SMIM24: variants seen among roughly 807,000 people sequenced by gnomAD.
SMIM24 encodes MAP17-related dimer.
In SMIM24, 6 loss-of-function variants were observed where a neutral mutation model predicts 10.8. The observed-to-expected ratio is 0.55, with a 90% CI of 0.30 to 1.09. SMIM24 has a LOEUF of 1.09. SMIM24 is among the 50% of genes least tolerant of loss of function. SMIM24 has a pLI of 0.06. For synonymous variants in SMIM24, 71 were observed against 62.4 expected, an observed-to-expected ratio of 1.14 and a Z score of -0.65; for missense variants, 151 against 153.4, an observed-to-expected ratio of 0.98 and a Z score of 0.08.
At position 3,474,100 on chromosome 19, in the gene SMIM24, T is replaced by G. The variant is rs577776911; in HGVS notation, c.*743A>C. 6.6e-6 allele frequency: 1 copy of G among 152,298 alleles called. No individual in the cohort carries two copies. Among genetic ancestry groups the G allele is most frequent in the African/African-American group, 2.4e-5 (1 of 41,514 alleles). The allele number at this position is 152,298 out of a possible 1,614,324, so 9.4% of individuals were successfully genotyped here. A position where few individuals can be genotyped will look rare whatever the true frequency, so the allele number is the denominator to read the frequency against. ...GAAGTGCTAGTCCCTTTCCAAGATATTGCAGGGCCCTGGGGCACCCCCACC... is the reference window on the plus strand; with the variant it reads ...GAAGTGCTAGTCCCTTTCCAAGATAGTGCAGGGCCCTGGGGCACCCCCACC... On this transcript the variant is annotated 3_prime_UTR_variant, in exon 4 of 4. Transcript: ENST00000215531.
chr19:3,477,090 T>TGATG (rs371713691), intron 3 of SMIM24, among the ~76,000 whole-genome samples: 1,096 of 95,942 alleles, frequency 0.011, 22 homozygotes, highest in East Asian at 0.028. Context: ...AATAGATGGG[T>TGATG]GATGGATGGA....
intron 1 of SMIM24, among the ~76,000 whole-genome samples, chr19:3,479,373 T>A (rs35660775): frequency 7.9e-6 from 1 of 125,846 alleles, no homozygotes; most frequent in East Asian, 2.3e-4. Context: ...AAGGAGGAGG[T>A]GGCTCAGATG....
At chr19:3,480,134 G>A (rs976132887) in intron 1 of SMIM24, among the ~76,000 whole-genome samples, 1 of 151,684 alleles carries the variant, frequency 6.6e-6, no homozygotes, top group African/African-American at 2.4e-5. Context: ...CCGAGCTCAA[G>A]GCGGGGGGTT....
In SMIM24 at chr19:3,480,513, C is replaced by CCCGGGACCCA. The variant is rs760828944; in HGVS notation, c.-51_-50insTGGGTCCCGG. On this transcript the variant is annotated 5_prime_UTR_variant, in exon 1 of 4. Transcript: ENST00000215531. Reference sequence around the variant, plus strand: ...GCCAGCGGCGGTCCCGGGTCGGCGTCCACAGGTTTGGTGTGGGCGAGGCCC... The same window carrying CCCGGGACCCA: ...GCCAGCGGCGGTCCCGGGTCGGCGTCCCGGGACCCACACAGGTTTGGTGTGGGCGAGGCCC... The CCCGGGACCCA allele has an allele frequency of 2.6e-6, 4 of 1,537,308 alleles. No individual in the cohort carries two copies. The South Asian group carries it at 4.8e-5, about 18-fold the overall frequency.
At position 3,480,480 on chromosome 19, in the gene SMIM24, A is replaced by T; in HGVS notation, c.-17T>A. The T allele has an allele frequency of 6.5e-7, 1 of 1,546,814 alleles. No homozygotes were observed. The highest frequency in any genetic ancestry group is 8.7e-7 in the Non-Finnish European group (1 of 1,145,198). On this transcript the variant is annotated 5_prime_UTR_variant, in exon 1 of 4. Coordinates refer to ENST00000215531, the MANE Select transcript of SMIM24 (RefSeq NM_001136503.2). ...GGTCTCCATGACGGTCGAGTGAGCC[A>T]GCAGCCAGCCAGCGGCGGTCCCGGG...
At chr19:3,478,633 G>T in intron 2 of SMIM24, 155 bp from the exon 3 acceptor site, 1 of 899,212 alleles carries the variant, frequency 1.1e-6, no homozygotes, top group Non-Finnish European at 1.7e-6. Context: ...TGCCTGGCTC[G>T]TTGTCTTGGG....
intron 3 of SMIM24, among the ~76,000 whole-genome samples, 160 bp downstream of exon 3, chr19:3,478,259 T>C (rs1005002034): frequency 6.6e-6 from 1 of 152,090 alleles, no homozygotes. Context: ...GACTAGGGAC[T>C]GGAGGAGGAG....
At chr19:3,475,932 G>T (rs891289195) in intron 3 of SMIM24, among the ~76,000 whole-genome samples, 1 of 151,806 alleles carries the variant, frequency 6.6e-6, no homozygotes, top group Non-Finnish European at 1.5e-5. Flanking sequence ...GAGTAGATAA[G>T]TAGTTACATG....
Position 3,474,428 on chromosome 19 carries a change from T to C in SMIM24, c.*415A>G. ...CTTCCAAAGGGCTGTTACGAATGCTTTAATGCAGGCCATTGGGAAGCAGCT... is the reference window on the plus strand; with the variant it reads ...CTTCCAAAGGGCTGTTACGAATGCTCTAATGCAGGCCATTGGGAAGCAGCT... On this transcript the variant is annotated 3_prime_UTR_variant, in exon 4 of 4. Transcript: ENST00000215531. 5.7e-6 allele frequency: 1 copy of C among 174,566 alleles called. No homozygotes were observed. Among genetic ancestry groups the C allele is most frequent in the Middle Eastern group, 2.7e-3 (1 of 366 alleles). 10.8% of individuals were successfully genotyped at this position (174,566 alleles called of 1,614,324 possible).
chr19:3,478,306 C>A, intron 3 of SMIM24, 113 bp downstream of exon 3: 1 of 1,010,394 alleles, frequency 9.9e-7, no homozygotes, highest in Non-Finnish European at 1.4e-6. Flanking sequence ...GGTGAAGATC[C>A]CAGGGCAGGA....
intron 2 of SMIM24, 110 bp from the exon 3 acceptor site, chr19:3,478,588 G>T: frequency 9.1e-7 from 1 of 1,099,224 alleles, no homozygotes; most frequent in Non-Finnish European, 1.3e-6. Flanking sequence ...CCCAGCCGGG[G>T]CTCATGAACC....
chr19:3,479,641 G>T (rs2082809097), intron 1 of SMIM24, among the ~76,000 whole-genome samples: 1 of 141,860 alleles, frequency 7.0e-6, no homozygotes, highest in Non-Finnish European at 1.5e-5. Context: ...TCAGGGAGGG[G>T]TCTATAAAGG....
At position 3,474,771 on chromosome 19, in the gene SMIM24, T is replaced by A; in HGVS notation, c.*72A>T. 1 of 1,503,252 alleles carries A rather than the reference T, an allele frequency of 6.7e-7. No individual in the cohort carries two copies. The highest frequency in any genetic ancestry group is 1.3e-5 in the South Asian group (1 of 78,236). The allele number at this position is 1,503,252 out of a possible 1,614,324, so 93.1% of individuals were successfully genotyped here. A position where few individuals can be genotyped will look rare whatever the true frequency, so the allele number is the denominator to read the frequency against. ...ATGGAGTCATTTCACGGGCTTCAAG[T>A]CCAGGGCACTGCTTTTAGGGGGCAG... On this transcript the variant is annotated 3_prime_UTR_variant, in exon 4 of 4. Coordinates refer to ENST00000215531, the MANE Select transcript of SMIM24 (RefSeq NM_001136503.2).
At chr19:3,476,364 G>A (rs2082792129) in intron 3 of SMIM24, among the ~76,000 whole-genome samples, 1 of 152,090 alleles carries the variant, frequency 6.6e-6, no homozygotes, top group Admixed American at 6.6e-5. Context: ...GTGTATCAGT[G>A]AGTGGACAGA....
intron 1 of SMIM24, among the ~76,000 whole-genome samples, chr19:3,479,713 CT>C (rs1456463949): frequency 0.015 from 712 of 46,232 alleles, 24 homozygotes; most frequent in African/African-American, 0.056. Context: ...GGCTTGTGAA[CT>C]AGGGGGCTCA....
intron 3 of SMIM24, 56 bp downstream of exon 3, chr19:3,478,362 AT>A: frequency 2.7e-6 from 4 of 1,482,856 alleles, no homozygotes; most frequent in Non-Finnish European, 3.7e-6. Context: ...GCGCACACCC[AT>A]TCCCCCACCC....
At position 3,474,495 on chromosome 19, in the gene SMIM24, C is replaced by A; in HGVS notation, c.*348G>T. ...TGCATGGGAGAGGGGAAGTTCTGTT[C>A]AGTAGACATCAGGCAGAGAGAAAAG... On this transcript the variant is annotated 3_prime_UTR_variant, in exon 4 of 4. Transcript: ENST00000215531. 1 of 276,558 alleles carries A rather than the reference C, an allele frequency of 3.6e-6. No individual in the cohort carries two copies. The allele number at this position is 276,558 out of a possible 1,614,324, so 17.1% of individuals were successfully genotyped here. A position where few individuals can be genotyped will look rare whatever the true frequency, so the allele number is the denominator to read the frequency against.
chr19:3,476,965 G>A (rs369490803), intron 3 of SMIM24, among the ~76,000 whole-genome samples: 1 of 150,288 alleles, frequency 6.7e-6, no homozygotes, highest in East Asian at 2.0e-4. Context: ...TGAATGGATG[G>A]CTGATGGATA....
chr19:3,479,246 AG>A (rs1244949271), intron 1 of SMIM24, among the ~76,000 whole-genome samples: 1 of 145,222 alleles, frequency 6.9e-6, no homozygotes, highest in Middle Eastern at 3.3e-3. Context: ...TAATGCAGGC[AG>A]AGGCTCAGGG....
Sources: gnomAD v4.1 joint callset for allele counts (sites outside exome capture counted in the v4.1 genomes callset) on GRCh38, gnomAD v4.1.1 for gene constraint, MANE v1.5 for transcripts, NCBI Gene and HGNC (gene_info 2026-07-23, HGNC 2026-07-21) for gene names.